The following ARHGAP20 variants were observed in gnomAD, a reference collection of about 807,000 sequenced individuals.
The protein encoded by ARHGAP20 is rho GTPase-activating protein 20.
A neutral mutation model predicts 73.7 loss-of-function variants in ARHGAP20; 34 were observed. That is an observed-to-expected ratio of 0.46 (90% CI 0.35 to 0.61). ARHGAP20 has a LOEUF of 0.61. ARHGAP20 is among the 20% of genes least tolerant of loss of function. The pLI is 0.00. For missense variants in ARHGAP20, 1,314 were observed against 1,420.9 expected (o/e 0.92, Z 1.21); for synonymous variants, 523 against 518.2 (o/e 1.01, Z -0.13).
intron 4 of ARHGAP20, among the ~76,000 whole-genome samples, chr11:110,622,967 G>A (rs1403678718): frequency 6.6e-6 from 1 of 151,974 alleles, no homozygotes; most frequent in African/African-American, 2.4e-5. Context: ...AAAATTCCTT[G>A]ATTAAAAATG....
intron 2 of ARHGAP20, among the ~76,000 whole-genome samples, chr11:110,641,081 G>T (rs1743392498): frequency 6.6e-6 from 1 of 151,974 alleles, no homozygotes; most frequent in Non-Finnish European, 1.5e-5. Context: ...TTAAAAGCAA[G>T]AAATATATAA....
chr11:110,612,760 G>A (rs551541578), intron 6 of ARHGAP20, among the ~76,000 whole-genome samples: 1 of 152,248 alleles, frequency 6.6e-6, no homozygotes, highest in South Asian at 2.1e-4. Context: ...TATTTGATAT[G>A]ACAAATTGCC....
In ARHGAP20 at chr11:110,658,246, A is replaced by C. The variant is rs75572330; in HGVS notation, c.189-27454T>G. On this transcript the variant is annotated intron_variant, in intron 2 of 14. Transcript: ENST00000683387. The stretch of plus-strand genomic sequence containing the variant: ...TCTGGAACACATCTGTGCTGAATAC[A>C]TAATGGCTGTTACTACTGATAGTAA... Among the ~76,000 whole-genome samples, 1,323 of 152,360 alleles carry C rather than the reference A, an allele frequency of 8.7e-3. 25 individuals are homozygous for C. The highest frequency in any genetic ancestry group is 0.03 in the African/African-American group (1,245 of 41,584).
intron 1 of ARHGAP20, among the ~76,000 whole-genome samples, chr11:110,692,410 T>A (rs767815571): frequency 1.1e-4 from 17 of 152,122 alleles, no homozygotes; most frequent in South Asian, 4.1e-4. Flanking sequence ...CTATCCTGAT[T>A]CTCTTTACAG....
In ARHGAP20 at chr11:110,590,651, T is replaced by C; in HGVS notation, c.1302A>G (p.Leu434=). Residue 434 remains leucine, a synonymous_variant, in exon 11 of 15, where the codon TTA becomes TTG. Transcript: ENST00000683387. ...ATAAAGGGATGACTCTTCTTACCTT[T>C]AAGACAGATGCTATCACAAAAATAG... ...CESIFVIASV[L]KDFLRNIPGS... 2 of 1,613,530 alleles carry C rather than the reference T, an allele frequency of 1.2e-6. No individual in the cohort carries two copies. Among genetic ancestry groups the C allele is most frequent in the Non-Finnish European group, 1.7e-6 (2 of 1,179,752 alleles).
intron 2 of ARHGAP20, among the ~76,000 whole-genome samples, chr11:110,689,233 C>A (rs1413087881): frequency 6.6e-6 from 1 of 151,962 alleles, no homozygotes. Flanking sequence ...GATCTCCTAA[C>A]CTCGTGACCC....
intron 2 of ARHGAP20, among the ~76,000 whole-genome samples, chr11:110,679,197 G>A (rs750761602): frequency 2.0e-5 from 3 of 152,136 alleles, no homozygotes. Flanking sequence ...TCATGACATG[G>A]CTTCCTCCAG....
At chr11:110,590,621 G>A in intron 11 of ARHGAP20, 27 bp downstream of exon 11, 1 of 1,598,032 alleles carries the variant, frequency 6.3e-7, no homozygotes. Context: ...TACACCATGG[G>A]GTGGATAAAG....
intron 9 of ARHGAP20, among the ~76,000 whole-genome samples, chr11:110,595,831 G>A (rs1395789841): frequency 6.6e-6 from 1 of 152,020 alleles, no homozygotes. Flanking sequence ...AGCCCACATT[G>A]CCAAGTCAAT....
At chr11:110,687,035 C>CTATATATATATATATATATATATAT (rs1177958954) in intron 2 of ARHGAP20, among the ~76,000 whole-genome samples, 1 of 121,998 alleles carries the variant, frequency 8.2e-6, no homozygotes, top group Non-Finnish European at 1.7e-5. Flanking sequence ...AAGATTAAAA[C>CTATATATATATATATATATATATAT]ATATATATAT....
intron 2 of ARHGAP20, among the ~76,000 whole-genome samples, chr11:110,646,333 T>G (rs1305142389): frequency 6.6e-6 from 1 of 152,132 alleles, no homozygotes. Context: ...AACAGCTGGC[T>G]TTGAAAGGAA....
At chr11:110,657,218 T>C (rs1949486005) in intron 2 of ARHGAP20, among the ~76,000 whole-genome samples, 1 of 152,090 alleles carries the variant, frequency 6.6e-6, no homozygotes, top group South Asian at 2.1e-4. Flanking sequence ...AAAATATGAG[T>C]TAAGTTTTTG....
intron 1 of ARHGAP20, chr11:110,711,867 G>T: frequency 1.5e-6 from 2 of 1,315,612 alleles, no homozygotes; most frequent in Non-Finnish European, 1.9e-6. Flanking sequence ...GGATGGAGAC[G>T]GGAGGGAGGC....
intron 9 of ARHGAP20, among the ~76,000 whole-genome samples, chr11:110,606,005 T>C (rs1027887779): frequency 2.6e-5 from 4 of 152,236 alleles, no homozygotes; most frequent in Non-Finnish European, 5.9e-5. Flanking sequence ...AGTTCTCTTA[T>C]ATTGAAGATC....
At position 110,577,276 on chromosome 11, in the gene ARHGAP20, T is replaced by A. The variant is rs1947309624; in HGVS notation, c.*2094A>T. 8.6e-6 allele frequency: 12 copies of A among 1,393,134 alleles called. 1 individual carries two copies. In the South Asian group the frequency reaches 2.0e-4, roughly 23 times the overall value. 86.3% of individuals were successfully genotyped at this position (1,393,134 alleles called of 1,614,324 possible). A position where few individuals can be genotyped will look rare whatever the true frequency, so the allele number is the denominator to read the frequency against. ...TCTAATATATTATAGATTGATGGAG[T>A]ATAATAAAATGACATATAGTCTGTC... On this transcript the variant is annotated 3_prime_UTR_variant, in exon 15 of 15. Coordinates refer to ENST00000683387, the MANE Select transcript of ARHGAP20 (RefSeq NM_001384657.1).
chr11:110,663,362 T>C (rs1949656073), intron 2 of ARHGAP20, among the ~76,000 whole-genome samples: 1 of 149,718 alleles, frequency 6.7e-6, no homozygotes, highest in African/African-American at 2.4e-5. Context: ...ATATACAATA[T>C]ACTATATAAG....
rs539653987 is a variant in ARHGAP20, at chr11:110,610,391, T to A, written c.708+918A>T. Among the ~76,000 whole-genome samples the A allele has an allele frequency of 2.6e-5, 4 of 152,240 alleles. No individual in the cohort carries two copies. In the South Asian group the frequency reaches 8.3e-4, roughly 32 times the overall value. On this transcript the variant is annotated intron_variant, in intron 7 of 14. Coordinates refer to ENST00000683387, the MANE Select transcript of ARHGAP20 (RefSeq NM_001384657.1). Reference sequence around the variant, plus strand: ...TCCTTGAATGATGTAACGTGACACATATTTAAGACATGCCATAGTATTCTA... The same window carrying A: ...TCCTTGAATGATGTAACGTGACACAAATTTAAGACATGCCATAGTATTCTA...
At chr11:110,600,174 A>C (rs1219292939) in intron 9 of ARHGAP20, among the ~76,000 whole-genome samples, 3 of 152,236 alleles carry the variant, frequency 2.0e-5, no homozygotes, top group Non-Finnish European at 2.9e-5. Context: ...TGGTAACACA[A>C]ACAGGGCTGA....
At chr11:110,683,313 A>AAATT (rs1950071508) in intron 2 of ARHGAP20, among the ~76,000 whole-genome samples, 1 of 152,172 alleles carries the variant, frequency 6.6e-6, no homozygotes, top group Admixed American at 6.6e-5. Context: ...TTGCTGCATG[A>AAATT]AATTACTTCC....
Sources: allele counts gnomAD v4.1 joint callset (sites outside exome capture counted in the v4.1 genomes callset), GRCh38; gene constraint gnomAD v4.1.1; transcripts MANE v1.5; gene names NCBI Gene and HGNC (gene_info 2026-07-23, HGNC 2026-07-21).